MICU1: variants seen among roughly 807,000 people sequenced by gnomAD.
MICU1 encodes mitochondrial calcium uptake 1.
MICU1 carries 45 observed loss-of-function variants against 56.8 expected under a neutral mutation model. The observed-to-expected ratio is 0.79, with a 90% CI of 0.62 to 1.02. MICU1 has a LOEUF of 1.02. Among genes scored for constraint, MICU1 ranks in the 50% least tolerant of loss-of-function variants. The pLI is 0.00. For missense variants in MICU1, 504 were observed against 587.1 expected, an observed-to-expected ratio of 0.86 and a Z score of 1.46; for synonymous variants, 186 against 195.1, an observed-to-expected ratio of 0.95 and a Z score of 0.39.
chr10:72,591,778 T>C (rs1841231615), intron 1 of MICU1, among the ~76,000 whole-genome samples: 1 of 151,946 alleles, frequency 6.6e-6, no homozygotes, highest in African/African-American at 2.4e-5. Flanking sequence ...ATCCCAGCAC[T>C]TTGGGAGGTC....
chr10:72,535,584 T>C (rs942912224), intron 4 of MICU1, among the ~76,000 whole-genome samples: 2 of 152,172 alleles, frequency 1.3e-5, no homozygotes, highest in Non-Finnish European at 2.9e-5. Context: ...CCAAGTGTTC[T>C]AAGCATATTG....
chr10:72,595,822 A>T (rs1841364601), intron 1 of MICU1, among the ~76,000 whole-genome samples: 1 of 152,136 alleles, frequency 6.6e-6, no homozygotes, highest in African/African-American at 2.4e-5. Flanking sequence ...GAGGCTTTTT[A>T]AAAAATTTTG....
intron 1 of MICU1, among the ~76,000 whole-genome samples, chr10:72,571,153 C>G (rs1384702265): frequency 1.3e-5 from 2 of 152,158 alleles, no homozygotes; most frequent in Non-Finnish European, 2.9e-5. Context: ...CACTTGAGGT[C>G]AGGAGTTCGA....
chr10:72,473,194 T>C (rs1026251386), intron 8 of MICU1: 2 of 151,954 alleles, frequency 1.3e-5, no homozygotes, highest in Non-Finnish European at 2.9e-5. Flanking sequence ...TATATATAGA[T>C]CTAAGAAAGA....
intron 3 of MICU1, among the ~76,000 whole-genome samples, chr10:72,553,100 C>T (rs1353423953): frequency 1.3e-5 from 2 of 152,190 alleles, no homozygotes; most frequent in Non-Finnish European, 2.9e-5. Flanking sequence ...AAAGATTGAG[C>T]ATGTGGCAAA....
chr10:72,447,329 G>A (rs1256048790), intron 8 of MICU1, among the ~76,000 whole-genome samples: 1 of 152,144 alleles, frequency 6.6e-6, no homozygotes, highest in African/African-American at 2.4e-5. Flanking sequence ...CCTGGGATTT[G>A]AAGAGATAAT....
At chr10:72,482,470 T>C (rs1460506366) in intron 6 of MICU1, among the ~76,000 whole-genome samples, 1 of 152,214 alleles carries the variant, frequency 6.6e-6, no homozygotes, top group African/African-American at 2.4e-5. Context: ...AATGTTCCTC[T>C]ATTCAATGAT....
At chr10:72,591,402 A>T (rs976475537) in intron 1 of MICU1, among the ~76,000 whole-genome samples, 6 of 152,112 alleles carry the variant, frequency 3.9e-5, no homozygotes, top group Non-Finnish European at 7.4e-5. Flanking sequence ...AATGAAAAAG[A>T]GAAAAAAATA....
chr10:72,506,134 A>G (rs1867243515), intron 6 of MICU1, among the ~76,000 whole-genome samples: 1 of 152,158 alleles, frequency 6.6e-6, no homozygotes, highest in African/African-American at 2.4e-5. Flanking sequence ...TCAAACTAGG[A>G]GTTGAGCACC....
intron 6 of MICU1, among the ~76,000 whole-genome samples, chr10:72,506,343 G>A (rs1032525623): frequency 6.6e-6 from 1 of 152,228 alleles, no homozygotes; most frequent in African/African-American, 2.4e-5. Flanking sequence ...GTGGACACAA[G>A]TTCAAAGCTT....
chr10:72,506,074 T>C (rs537674659), intron 6 of MICU1, among the ~76,000 whole-genome samples: 3 of 150,102 alleles, frequency 2.0e-5, no homozygotes, highest in South Asian at 4.2e-4. Context: ...CTGACAAACA[T>C]AGAAAGTAAC....
intron 3 of MICU1, among the ~76,000 whole-genome samples, chr10:72,553,080 G>A (rs1449547436): frequency 6.6e-6 from 1 of 152,126 alleles, no homozygotes; most frequent in Non-Finnish European, 1.5e-5. Flanking sequence ...TTTCACAGGA[G>A]ACTTTATCAA....
At chr10:72,407,365 T>A (rs1362486077) in intron 10 of MICU1, among the ~76,000 whole-genome samples, 1 of 152,180 alleles carries the variant, frequency 6.6e-6, no homozygotes, top group African/African-American at 2.4e-5. Context: ...TTATTTCAAC[T>A]GTTCTGAATG....
At position 72,505,996 on chromosome 10, in the gene MICU1, C is replaced by CA. The variant is rs34458233; in HGVS notation, c.652+2158dup. On this transcript the variant is annotated intron_variant, in intron 6 of 11. Coordinates refer to ENST00000361114, the MANE Select transcript of MICU1 (RefSeq NM_001195518.2). Reference sequence around the variant, plus strand: ...ATTATAAAAACAAAAAACAAGCAAGCAAAAAAAAAAAAAAACTAGTGATAA... The same window carrying CA: ...ATTATAAAAACAAAAAACAAGCAAGCAAAAAAAAAAAAAAAACTAGTGATAA... Among the ~76,000 whole-genome samples, 1,335 of 138,370 alleles carry CA rather than the reference C, an allele frequency of 9.6e-3. 22 individuals are homozygous for CA. The highest frequency in any genetic ancestry group is 0.031 in the African/African-American group (1,126 of 36,450). 90.8% of individuals were successfully genotyped at this position (138,370 alleles called of 152,430 possible). A position where few individuals can be genotyped will look rare whatever the true frequency, so the allele number is the denominator to read the frequency against.
At position 72,488,056 on chromosome 10, in the gene MICU1, C is replaced by T. The variant is rs546742402; in HGVS notation, c.653-10800G>A. ...TACTAAAAATACAAAATTAGCCAGGCGTGGTGGCACATGCCTGTAATCCCA... is the reference window on the plus strand; with the variant it reads ...TACTAAAAATACAAAATTAGCCAGGTGTGGTGGCACATGCCTGTAATCCCA... On this transcript the variant is annotated intron_variant, in intron 6 of 11. Transcript: ENST00000361114. 1.8e-3 allele frequency among the ~76,000 whole-genome samples: 273 copies of T among 151,648 alleles called. 1 individual carries two copies. Among genetic ancestry groups the T allele is most frequent in the African/African-American group, 6.1e-3 (252 of 41,360 alleles).
intron 8 of MICU1, among the ~76,000 whole-genome samples, chr10:72,473,680 C>T (rs751576171): frequency 6.6e-5 from 10 of 152,090 alleles, no homozygotes; most frequent in Non-Finnish European, 1.3e-4. Flanking sequence ...CTCAAACAGA[C>T]AGGGGACTCC....
chr10:72,516,142 G>A (rs1413241308), intron 5 of MICU1, among the ~76,000 whole-genome samples: 1 of 152,132 alleles, frequency 6.6e-6, no homozygotes, highest in Non-Finnish European at 1.5e-5. Flanking sequence ...TAACTGGCAC[G>A]AGATGGTATC....
At chr10:72,399,633 G>A (rs748709800) in intron 10 of MICU1, among the ~76,000 whole-genome samples, 1 of 150,684 alleles carries the variant, frequency 6.6e-6, no homozygotes, top group Non-Finnish European at 1.5e-5. Context: ...GTGACAAAGC[G>A]AAACTCCATC....
chr10:72,401,589 G>A (rs529506704), intron 10 of MICU1, among the ~76,000 whole-genome samples: 17 of 152,352 alleles, frequency 1.1e-4, no homozygotes, highest in African/African-American at 3.8e-4. Flanking sequence ...GGAAGGCGAA[G>A]GTTGCAGTAA....
Sources: allele counts gnomAD v4.1 joint callset (sites outside exome capture counted in the v4.1 genomes callset), GRCh38; gene constraint gnomAD v4.1.1; transcripts MANE v1.5; gene names NCBI Gene and HGNC (gene_info 2026-07-23, HGNC 2026-07-21).